The following ZNF394 variants were observed in gnomAD, a reference collection of about 807,000 sequenced individuals.
ZNF394 encodes zinc finger protein 394.
ZNF394 carries 19 observed loss-of-function variants against 21.8 expected under a neutral mutation model. The ratio of observed to expected loss-of-function variants is 0.87; its 90% CI spans 0.61 to 1.28. The LOEUF (loss-of-function observed/expected upper bound fraction) is 1.28, where lower values mean the gene tolerates loss of function less well. Among genes scored for constraint, ZNF394 ranks in the 50% most tolerant of loss-of-function variants. The pLI, the probability that ZNF394 is intolerant of heterozygous loss-of-function variation, is 0.00. For synonymous variants in ZNF394, 294 were observed against 273.3 expected (o/e 1.08, Z -0.75); for missense variants, 683 against 708.6 (o/e 0.96, Z 0.41).
chr7:99,488,637 G>GC (rs1800085896), downstream of ZNF394, among the ~76,000 whole-genome samples: 1 of 151,796 alleles, frequency 6.6e-6, no homozygotes, highest in African/African-American at 2.4e-5. Flanking sequence ...ACTAAAAGTT[G>GC]CCCATAATCA....
chr7:99,498,607 G>T, intron 2 of ZNF394, 109 bp downstream of exon 2: 1 of 1,518,908 alleles, frequency 6.6e-7, no homozygotes. Flanking sequence ...GAAGGCACCT[G>T]AAGGCTCTCA....
chr7:99,493,063 A>T (rs1322733502), downstream of ZNF394, among the ~76,000 whole-genome samples: 1 of 152,152 alleles, frequency 6.6e-6, no homozygotes, highest in Non-Finnish European at 1.5e-5. Flanking sequence ...ACATTTCAGA[A>T]GGCCCCCTAC....
At chr7:99,499,016 T>C (rs993388828) in intron 1 of ZNF394, among the ~76,000 whole-genome samples, 174 bp from the exon 2 acceptor site, 1 of 152,132 alleles carries the variant, frequency 6.6e-6, no homozygotes, top group Non-Finnish European at 1.5e-5. Context: ...TGGAGGTAGG[T>C]AGGAGCAAAA....
At chr7:99,490,060 T>C (rs1800128252), downstream of ZNF394, among the ~76,000 whole-genome samples, 1 of 150,034 alleles carries the variant, frequency 6.7e-6, no homozygotes, top group Admixed American at 6.7e-5. Flanking sequence ...ATGCCTGTAA[T>C]CCCCAACACT....
intron 1 of ZNF394, chr7:99,487,257 CT>C: frequency 6.2e-7 from 1 of 1,614,176 alleles, no homozygotes; most frequent in Non-Finnish European, 8.5e-7. Context: ...GTGGACAGTC[CT>C]TTGGTAGGAA....
chr7:99,493,401 C>A lies in ZNF394; in HGVS notation c.*128G>T. The A allele has an allele frequency of 1.0e-6, 1 of 993,958 alleles. No homozygotes were observed. The highest frequency in any genetic ancestry group is 1.4e-6 in the Non-Finnish European group (1 of 696,708). The allele number at this position is 993,958 out of a possible 1,614,324, so 61.6% of individuals were successfully genotyped here. A position where few individuals can be genotyped will look rare whatever the true frequency, so the allele number is the denominator to read the frequency against. ...CCTCCCGAATAGCTGGGCTTACAGG[C>A]ATGCACCACCATGCCCGGCTCATTT... is the stretch of plus-strand genomic sequence containing the variant. On this transcript the variant is annotated 3_prime_UTR_variant, in exon 3 of 3. Coordinates refer to ENST00000337673, the MANE Select transcript of ZNF394 (RefSeq NM_032164.4).
downstream of ZNF394, among the ~76,000 whole-genome samples, chr7:99,491,120 C>T (rs1036589428): frequency 1.2e-4 from 19 of 152,100 alleles, no homozygotes; most frequent in Admixed American, 1.2e-3. Flanking sequence ...ATGGTGGGAG[C>T]CCCTAGTGGA....
rs1335711897 is a variant in ZNF394, at chr7:99,498,777, T to C, written c.522A>G (p.Pro174=). The part of the protein sequence containing the change: ...LTWEEWERLD[P]ARRDFCRESA... The stretch of plus-strand genomic sequence containing the variant: ...TCTCTCTGCAGAAGTCCCTCCGTGC[T>C]GGGTCCAGGCGCTCCCACTCCTCCC... Residue 174 remains proline, a synonymous_variant, in exon 2 of 3, where the codon CCA becomes CCG. Coordinates refer to ENST00000337673, the MANE Select transcript of ZNF394 (RefSeq NM_032164.4). 3.1e-6 allele frequency: 5 copies of C among 1,614,018 alleles called. No homozygotes were observed. Among genetic ancestry groups the C allele is most frequent in the African/African-American group, 1.3e-5 (1 of 74,928 alleles).
chr7:99,499,874 C>A lies in ZNF394; in HGVS notation c.220G>T (p.Glu74Ter). The A allele has an allele frequency of 6.2e-7, 1 of 1,614,204 alleles. No individual in the cohort carries two copies. The highest frequency in any genetic ancestry group is 1.1e-5 in the South Asian group (1 of 91,090). ...RLHFRQLRYQ[E>*]VAGPEEALSR... ...AGCGCCTCTTCCGGTCCAGCCACCT[C>A]CTGGTAACGCAGCTGCCTAAAGTGC... Residue 74 changes from glutamate to a stop codon, truncating the protein, a stop_gained, in exon 1 of 3, where the codon GAG (glutamate) becomes TAG (stop). Coordinates refer to ENST00000337673, the MANE Select transcript of ZNF394 (RefSeq NM_032164.4). LOFTEE classifies it high-confidence loss of function.
intron 1 of ZNF394, among the ~76,000 whole-genome samples, chr7:99,488,071 CAAAAAA>C (rs1180851983): frequency 5.7e-4 from 39 of 68,230 alleles, no homozygotes; most frequent in African/African-American, 1.6e-3. Context: ...GACTCCGTCT[CAAAAAA>C]AAAAAAAAAA....
rs1351189894 is a variant in ZNF394 at position 99,498,732 on chromosome 7, C to T, written c.567G>A (p.Gly189=). The T allele has an allele frequency of 1.9e-6, 3 of 1,613,964 alleles. No individual in the cohort carries two copies. Among genetic ancestry groups the T allele is most frequent in the East Asian group, 2.2e-5 (1 of 44,888 alleles). ...FCRESAQKDS[G]STVPPSLESR... ...AGCACTCACTCGGCGGAACTGTGCTCCCGGAATCCTTCTGCGCACTCTCTC... is the reference window on the plus strand; with the variant it reads ...AGCACTCACTCGGCGGAACTGTGCTTCCGGAATCCTTCTGCGCACTCTCTC... The change falls in exon 2 of 3, where the codon GGG becomes GGA. Residue 189 remains glycine, a synonymous_variant. Coordinates refer to ENST00000337673, the MANE Select transcript of ZNF394 (RefSeq NM_032164.4).
At chr7:99,487,789 AG>A in intron 1 of ZNF394, among the ~76,000 whole-genome samples, 1 of 151,772 alleles carries the variant, frequency 6.6e-6, no homozygotes, top group Non-Finnish European at 1.5e-5. Context: ...AAAAAAAGAA[AG>A]GGCTGGGCGC....
downstream of ZNF394, among the ~76,000 whole-genome samples, chr7:99,489,528 T>C (rs1013021099): frequency 3.5e-4 from 53 of 152,230 alleles, no homozygotes; most frequent in African/African-American, 1.2e-3. Flanking sequence ...TGTTTTAGTT[T>C]CCAGAGGTTC....
rs545682105 is a variant in ZNF394, at chr7:99,496,154, G to C, written c.584-1523C>G. ...AGGTATTTTAGTAGGTATTATAGTAGGTATTTTAGTAGGTATTATAGTAGG... is the reference window on the plus strand; with the variant it reads ...AGGTATTTTAGTAGGTATTATAGTACGTATTTTAGTAGGTATTATAGTAGG... On this transcript the variant is annotated intron_variant, in intron 2 of 2. Coordinates refer to ENST00000337673, the MANE Select transcript of ZNF394 (RefSeq NM_032164.4). Among the ~76,000 whole-genome samples, 19 of 151,836 alleles carry C rather than the reference G, an allele frequency of 1.3e-4. No homozygotes were observed. In the East Asian group the frequency reaches 3.3e-3, roughly 26 times the overall value.
In ZNF394 at chr7:99,498,720, C is replaced by T. The variant is rs775881899; in HGVS notation, c.579G>A (p.Pro193=). Residue 193 remains proline, a synonymous_variant, in exon 2 of 3, where the codon CCG becomes CCA. Transcript: ENST00000337673. Reference sequence around the variant, plus strand: ...CAGCAGAGCAACAGCACTCACTCGGCGGAACTGTGCTCCCGGAATCCTTCT... The same window carrying T: ...CAGCAGAGCAACAGCACTCACTCGGTGGAACTGTGCTCCCGGAATCCTTCT... The part of the protein sequence containing the change: ...SAQKDSGSTV[P]PSLESRVENK... 1.2e-6 allele frequency: 2 copies of T among 1,613,918 alleles called. No individual in the cohort carries two copies. The highest frequency in any genetic ancestry group is 1.7e-6 in the Non-Finnish European group (2 of 1,179,898).
intron 2 of ZNF394, 110 bp downstream of exon 2, chr7:99,498,606 T>C (rs1562895326): frequency 6.6e-7 from 1 of 1,516,988 alleles, no homozygotes; most frequent in Non-Finnish European, 8.9e-7. Context: ...AGAAGGCACC[T>C]GAAGGCTCTC....
exon 2 of ZNF394, chr7:99,486,556 G>A (rs372415005): frequency 6.2e-7 from 1 of 1,614,090 alleles, no homozygotes; most frequent in African/African-American, 1.3e-5. Flanking sequence ...TAAGATATCA[G>A]TGGTAATGCA....
Position 99,493,722 on chromosome 7 carries a change from C to G in ZNF394, c.1493G>C (p.Gly498Ala). Residue 498 changes from glycine (G) to alanine (A), a missense_variant, in exon 3 of 3, where the codon GGA becomes GCA. Around this residue, in one of 3 missense-constraint regions of ZNF394, gnomAD observed 274 missense variants for 314.1 expected, o/e 0.87. Transcript: ENST00000337673. ...GAAGCGTTTCCCACAGACGGAACAT[C>G]CATAGGGCTTCTCCCCAGTGTGGAT... ...HRIHTGEKPY[G>A]CSVCGKRFNQ... 3.1e-6 allele frequency: 5 copies of G among 1,614,118 alleles called. No individual in the cohort carries two copies. Among genetic ancestry groups the G allele is most frequent in the Non-Finnish European group, 3.4e-6 (4 of 1,180,002 alleles).
Position 99,500,202 on chromosome 7 carries a change from C to G in ZNF394, c.-109G>C. ...CACCCTCCGGTCCCAAACACCGGGC[C>G]CCACCACACCAGGCCCCTCTCCACA... On this transcript the variant is annotated 5_prime_UTR_variant, in exon 1 of 3. Transcript: ENST00000337673. 1 of 1,084,142 alleles carries G rather than the reference C, an allele frequency of 9.2e-7. No homozygotes were observed. The highest frequency in any genetic ancestry group is 1.3e-6 in the Non-Finnish European group (1 of 777,244). The allele number at this position is 1,084,142 out of a possible 1,614,324, so 67.2% of individuals were successfully genotyped here. A position where few individuals can be genotyped will look rare whatever the true frequency, so the allele number is the denominator to read the frequency against.
Sources: gnomAD v4.1 joint callset for allele counts (sites outside exome capture counted in the v4.1 genomes callset) on GRCh38, gnomAD v4.1.1 for gene constraint, gnomAD v4.1.1 regional missense constraint, MANE v1.5 for transcripts, NCBI Gene and HGNC (gene_info 2026-07-23, HGNC 2026-07-21) for gene names.